Variants in TMCO5A observed in about 807,000 individuals in gnomAD.
TMCO5A encodes the protein transmembrane and coiled-coil domains 5A, also known as transmembrane and coiled-coil domain-containing protein 5A.
A neutral mutation model predicts 42.3 loss-of-function variants in TMCO5A; 34 were observed. The ratio of observed to expected loss-of-function variants is 0.80; its 90% confidence interval spans 0.61 to 1.07. The LOEUF is 1.07. Ranked by LOEUF, TMCO5A falls within the 50% of genes least tolerant of loss-of-function variation. TMCO5A has a pLI of 0.00. For synonymous variants in TMCO5A, 131 were observed against 115.6 expected (o/e 1.13, Z -0.86); for missense variants, 357 against 327.9 (o/e 1.09, Z -0.69).
At chr15:38,006,130 C>G in the TMCO5A span, among the ~76,000 whole-genome samples, 1 of 152,134 alleles carries the variant, frequency 6.6e-6, no homozygotes, top group African/African-American at 2.4e-5. Flanking sequence ...AAACAAGAGG[C>G]ACAGCACACC....
the TMCO5A span, among the ~76,000 whole-genome samples, chr15:38,038,291 C>T: frequency 1.2e-4 from 18 of 152,012 alleles, no homozygotes; most frequent in Non-Finnish European, 5.9e-5. Flanking sequence ...TATGATGGGA[C>T]GATGGCACTG....
the TMCO5A span, chr15:38,004,900 G>A: frequency 6.6e-6 from 1 of 152,242 alleles, no homozygotes; most frequent in Admixed American, 6.5e-5. Flanking sequence ...TTAATTTGTT[G>A]TTCCTCTGGG....
the TMCO5A span, among the ~76,000 whole-genome samples, chr15:38,011,198 C>T: frequency 6.6e-6 from 1 of 152,192 alleles, no homozygotes; most frequent in Admixed American, 6.5e-5. Context: ...AAGATATCGG[C>T]AGAGGCTGTG....
chr15:38,036,469 TTC>T, the TMCO5A span, among the ~76,000 whole-genome samples: 1 of 138,436 alleles, frequency 7.2e-6, no homozygotes, highest in South Asian at 2.4e-4. Flanking sequence ...CCCAGAGTCT[TTC>T]TCTCTGTTTT....
the TMCO5A span, chr15:38,020,054 A>G: frequency 6.6e-6 from 1 of 151,876 alleles, no homozygotes; most frequent in Non-Finnish European, 1.5e-5. Context: ...GTGCAGTGAC[A>G]CAATCATAAC....
At chr15:38,003,311 G>T in the TMCO5A span, among the ~76,000 whole-genome samples, 1 of 151,800 alleles carries the variant, frequency 6.6e-6, no homozygotes, top group East Asian at 1.9e-4. Flanking sequence ...CACTCCTGTG[G>T]CTACCACAAC....
chr15:37,962,651 G>C (rs925643845), intron 11 of TMCO5A, among the ~76,000 whole-genome samples: 3 of 152,002 alleles, frequency 2.0e-5, no homozygotes, highest in Admixed American at 6.6e-5. Flanking sequence ...GAATTCTTCT[G>C]TGAATCCATC....
intron 11 of TMCO5A, among the ~76,000 whole-genome samples, chr15:37,961,674 A>T (rs113050833): frequency 6.6e-5 from 10 of 152,060 alleles, no homozygotes; most frequent in African/African-American, 2.4e-4. Context: ...TGAGCATGGG[A>T]TGTGTTTCCA....
the TMCO5A span, among the ~76,000 whole-genome samples, chr15:38,028,586 C>T: frequency 9.2e-5 from 14 of 152,206 alleles, no homozygotes; most frequent in African/African-American, 3.4e-4. Flanking sequence ...TGAAATGTCT[C>T]AAACACAAAT....
At chr15:37,942,472 C>T (rs1312073020) in intron 9 of TMCO5A, 1 of 515,112 alleles carries the variant, frequency 1.9e-6, no homozygotes, top group Non-Finnish European at 3.5e-6. Context: ...CACAGAAACA[C>T]ATCTCCCTTC....
chr15:38,007,940 G>T, the TMCO5A span, among the ~76,000 whole-genome samples: 1 of 123,760 alleles, frequency 8.1e-6, no homozygotes, highest in Non-Finnish European at 1.6e-5. Context: ...CTGTTGCCCA[G>T]GCTGGAGTGC....
downstream of TMCO5A, among the ~76,000 whole-genome samples, chr15:37,954,915 C>T (rs939085399): frequency 1.3e-5 from 2 of 151,704 alleles, no homozygotes; most frequent in African/African-American, 4.8e-5. Context: ...TATTTGCTAA[C>T]CTCATGGTAA....
In TMCO5A at chr15:37,936,407, T is replaced by C; in HGVS notation, c.84T>C (p.Asp28=). The C allele has an allele frequency of 6.2e-7, 1 of 1,613,166 alleles. No individual in the cohort carries two copies. Among genetic ancestry groups the C allele is most frequent in the Non-Finnish European group, 8.5e-7 (1 of 1,179,456 alleles). ...TTGAAAGGGATACGCAGAGAATAGA[T>C]GAAGCAAATCAGAAACTTCTTCTCA... ...MDLERDTQRI[D]EANQKLLLKI... is the part of the protein sequence containing the mutation. The change falls in exon 3 of 12, where the codon GAT becomes GAC. Residue 28 remains aspartate (D), a synonymous_variant. Coordinates refer to ENST00000319669, the MANE Select transcript of TMCO5A (RefSeq NM_152453.4).
the TMCO5A span, among the ~76,000 whole-genome samples, chr15:37,975,883 G>A: frequency 6.6e-6 from 1 of 151,036 alleles, no homozygotes; most frequent in Admixed American, 6.6e-5. Context: ...TCCATATTTA[G>A]CACTCCCTTA....
intron 6 of TMCO5A, among the ~76,000 whole-genome samples, chr15:37,940,611 C>A (rs983088629): frequency 1.3e-5 from 2 of 152,046 alleles, no homozygotes; most frequent in Admixed American, 1.3e-4. Flanking sequence ...GTCTCCCTAC[C>A]AGAATGCCAG....
chr15:38,032,096 C>T, the TMCO5A span, among the ~76,000 whole-genome samples: 15 of 152,084 alleles, frequency 9.9e-5, no homozygotes, highest in Admixed American at 9.8e-4. Flanking sequence ...GCTGGGATTA[C>T]AGGCATGCAC....
the TMCO5A span, among the ~76,000 whole-genome samples, chr15:37,990,888 C>A: frequency 6.6e-6 from 1 of 151,976 alleles, no homozygotes; most frequent in African/African-American, 2.4e-5. Context: ...TACTAACATA[C>A]AAAACCTCTG....
At chr15:37,949,708 T>TA (rs531569662) in intron 11 of TMCO5A, among the ~76,000 whole-genome samples, 201 of 144,286 alleles carry the variant, frequency 1.4e-3, no homozygotes, top group East Asian at 4.4e-3. Context: ...ATGTAAATGC[T>TA]AAAAAAAAAA....
chr15:37,993,372 G>GGTT, the TMCO5A span: 1 of 93,552 alleles, frequency 1.1e-5, no homozygotes, highest in African/African-American at 4.8e-5. Context: ...TGCTAATTTG[G>GGTT]GTTTTTTTTT....
Sources: gnomAD v4.1 joint callset for allele counts (sites outside exome capture counted in the v4.1 genomes callset) on GRCh38, gnomAD v4.1.1 for gene constraint, MANE v1.5 for transcripts, NCBI Gene and HGNC (gene_info 2026-07-23, HGNC 2026-07-21) for gene names.